Variants in CNTNAP2 observed in about 807,000 individuals in gnomAD.
CNTNAP2 encodes the protein contactin-associated protein-like 2.
A neutral mutation model predicts 155.2 loss-of-function variants in CNTNAP2; 98 were observed. The ratio of observed to expected loss-of-function variants is 0.63; its 90% CI spans 0.54 to 0.75. CNTNAP2 has a LOEUF of 0.75. CNTNAP2 is among the 30% of genes least tolerant of loss of function. The pLI is 0.00. For synonymous variants in CNTNAP2, 651 were observed against 631.2 expected, an observed-to-expected ratio of 1.03 and a Z score of -0.47; for missense variants, 1,727 against 1,688.1, an observed-to-expected ratio of 1.02 and a Z score of -0.40.
intron 18 of CNTNAP2, among the ~76,000 whole-genome samples, chr7:148,208,124 A>C (rs1220894142): frequency 6.6e-6 from 1 of 151,834 alleles, no homozygotes; most frequent in Non-Finnish European, 1.5e-5. Flanking sequence ...ACAGGTGCCA[A>C]AGTGAAACCC....
chr7:147,778,599 C>A (rs1329963193), intron 13 of CNTNAP2, among the ~76,000 whole-genome samples: 11 of 152,144 alleles, frequency 7.2e-5, no homozygotes, highest in Admixed American at 7.2e-4. Context: ...CTCAGTGATA[C>A]CTCGGTCCCT....
At chr7:147,908,057 C>A (rs146361328) in intron 14 of CNTNAP2, among the ~76,000 whole-genome samples, 54 of 152,202 alleles carry the variant, frequency 3.5e-4, no homozygotes, top group African/African-American at 1.3e-3. Context: ...GCATGAGCCA[C>A]CACAACTGGC....
chr7:146,931,127 A>C lies in CNTNAP2; in HGVS notation c.402+91223A>C, dbSNP rs1371438507. On this transcript the variant is annotated intron_variant, in intron 3 of 23. Transcript: ENST00000361727. ...GAACTCTCCACCCCAAATCAACAGAATATACATTCTTTTCAGCACCACACC... is the reference window on the plus strand; with the variant it reads ...GAACTCTCCACCCCAAATCAACAGACTATACATTCTTTTCAGCACCACACC... Among the ~76,000 whole-genome samples, 5 of 151,404 alleles carry C rather than the reference A, an allele frequency of 3.3e-5. No individual in the cohort carries two copies. The East Asian group carries it at 9.7e-4, about 29-fold the overall frequency.
At chr7:147,016,826 C>T (rs967680161) in intron 3 of CNTNAP2, among the ~76,000 whole-genome samples, 1 of 151,806 alleles carries the variant, frequency 6.6e-6, no homozygotes, top group African/African-American at 2.4e-5. Flanking sequence ...CAGCTGGATC[C>T]TGTAGAGATC....
chr7:147,118,960 G>A (rs536861746), intron 5 of CNTNAP2, among the ~76,000 whole-genome samples: 4 of 152,152 alleles, frequency 2.6e-5, no homozygotes, highest in African/African-American at 7.2e-5. Flanking sequence ...TTCTAATAAC[G>A]AACGTGTATT....
At chr7:148,104,977 A>T (rs1369584037) in intron 15 of CNTNAP2, among the ~76,000 whole-genome samples, 1 of 152,212 alleles carries the variant, frequency 6.6e-6, no homozygotes, top group Non-Finnish European at 1.5e-5. Context: ...ATTAAAAAAA[A>T]CACACTATTT....
At chr7:147,681,731 T>G (rs982187297) in intron 13 of CNTNAP2, among the ~76,000 whole-genome samples, 2 of 151,950 alleles carry the variant, frequency 1.3e-5, no homozygotes, top group Admixed American at 1.3e-4. Context: ...TACCCATGGT[T>G]TAGCTTTCTG....
intron 13 of CNTNAP2, among the ~76,000 whole-genome samples, chr7:147,866,840 G>A (rs543312357): frequency 7.3e-5 from 11 of 151,618 alleles, no homozygotes; most frequent in African/African-American, 1.5e-4. Flanking sequence ...GCCTATGTAC[G>A]TCTTTGCATG....
chr7:146,644,413 C>T (rs2129162118), intron 1 of CNTNAP2, among the ~76,000 whole-genome samples: 1 of 152,196 alleles, frequency 6.6e-6, no homozygotes, highest in Non-Finnish European at 1.5e-5. Context: ...TTGAGATAAT[C>T]ATGTGGTTTT....
chr7:146,492,292 G>T lies in CNTNAP2; in HGVS notation c.98-281979G>T, dbSNP rs528646004. ...GAGAGAAAGCATGAGTAACTAATAC[G>T]ATTTCCACAATGTAAAAATAGAATT... On this transcript the variant is annotated intron_variant, in intron 1 of 23. Transcript: ENST00000361727. Among the ~76,000 whole-genome samples the T allele has an allele frequency of 3.3e-5, 5 of 151,884 alleles. No individual in the cohort carries two copies. The South Asian group carries it at 1.0e-3, about 32-fold the overall frequency.
rs147511523 is a variant in CNTNAP2, at chr7:147,154,799, A to G, written c.1348+22290A>G. Among the ~76,000 whole-genome samples the G allele has an allele frequency of 4.2e-3, 635 of 152,282 alleles. 5 individuals are homozygous for G. Among genetic ancestry groups the G allele is most frequent in the African/African-American group, 0.015 (606 of 41,560 alleles). On this transcript the variant is annotated intron_variant, in intron 8 of 23. Coordinates refer to ENST00000361727, the MANE Select transcript of CNTNAP2 (RefSeq NM_014141.6). The stretch of plus-strand genomic sequence containing the variant: ...CTACTAATCATTGAATGTTTAAAAT[A>G]CTTGAAGTACAGGTAAATATTTCTC...
intron 3 of CNTNAP2, among the ~76,000 whole-genome samples, chr7:146,862,940 C>T (rs1795133206): frequency 6.6e-6 from 1 of 152,164 alleles, no homozygotes; most frequent in African/African-American, 2.4e-5. Context: ...CACTTTTGTG[C>T]TTGAGTCAAC....
rs1169951427 is a variant in CNTNAP2 at position 146,244,379 on chromosome 7, G to GACACAA, written c.97+127406_97+127407insACACAA. ...GAGTATGACTAGACACAAGATAGTAGGAATGACAAGTTTTTTGGGGGCACA... is the reference window on the plus strand; with the variant it reads ...GAGTATGACTAGACACAAGATAGTAGACACAAGAATGACAAGTTTTTTGGGGGCACA... On this transcript the variant is annotated intron_variant, in intron 1 of 23. Coordinates refer to ENST00000361727, the MANE Select transcript of CNTNAP2 (RefSeq NM_014141.6). Among the ~76,000 whole-genome samples the GACACAA allele has an allele frequency of 8.1e-3, 1,237 of 152,250 alleles. 18 individuals carry two copies. The highest frequency in any genetic ancestry group is 0.028 in the African/African-American group (1,180 of 41,524).
At chr7:147,856,995 G>A (rs1251298919) in intron 13 of CNTNAP2, among the ~76,000 whole-genome samples, 15 of 152,324 alleles carry the variant, frequency 9.8e-5, no homozygotes. Context: ...TGAAAGGCAG[G>A]AAAGGGAGAG....
intron 14 of CNTNAP2, among the ~76,000 whole-genome samples, chr7:147,955,545 G>T (rs372260608): frequency 1.3e-5 from 2 of 152,114 alleles, no homozygotes; most frequent in African/African-American, 4.8e-5. Flanking sequence ...TCCCCTGAAA[G>T]GTATTCAGAA....
intron 1 of CNTNAP2, among the ~76,000 whole-genome samples, chr7:146,479,986 G>C (rs962337217): frequency 1.3e-5 from 2 of 151,904 alleles, no homozygotes; most frequent in African/African-American, 4.8e-5. Flanking sequence ...GGTTTCACCA[G>C]GTTGGCCAGA....
intron 1 of CNTNAP2, among the ~76,000 whole-genome samples, chr7:146,752,680 T>C (rs1324431041): frequency 6.6e-6 from 1 of 152,234 alleles, no homozygotes; most frequent in East Asian, 1.9e-4. Flanking sequence ...GTTACAGACA[T>C]AAAGTCTTTG....
At chr7:147,052,372 G>A (rs907152494) in intron 4 of CNTNAP2, among the ~76,000 whole-genome samples, 1 of 152,076 alleles carries the variant, frequency 6.6e-6, no homozygotes, top group African/African-American at 2.4e-5. Flanking sequence ...TTGCTGAAAT[G>A]AACTGACATC....
At chr7:146,308,145 A>G (rs1401154680) in intron 1 of CNTNAP2, among the ~76,000 whole-genome samples, 1 of 152,112 alleles carries the variant, frequency 6.6e-6, no homozygotes, top group Non-Finnish European at 1.5e-5. Context: ...AAATCAAACA[A>G]CCCCATCAAA....
Sources: allele counts gnomAD v4.1 joint callset (sites outside exome capture counted in the v4.1 genomes callset), GRCh38; gene constraint gnomAD v4.1.1; transcripts MANE v1.5; gene names NCBI Gene and HGNC (gene_info 2026-07-23, HGNC 2026-07-21).